The following UAP1L1 variants were observed in gnomAD, a reference collection of about 807,000 sequenced individuals.
The protein encoded by UAP1L1 is UDP-N-acetylhexosamine pyrophosphorylase-like protein 1.
In UAP1L1, 45 loss-of-function variants were observed where a neutral mutation model predicts 45.3. The ratio of observed to expected loss-of-function variants is 0.99; its 90% CI spans 0.78 to 1.27. The LOEUF is 1.27. Ranked by LOEUF, UAP1L1 falls within the 50% of genes most tolerant of loss-of-function variation. The probability of loss-of-function intolerance (pLI) is 0.00; values close to 1 mark genes in which losing one functional copy is unlikely to be tolerated. For synonymous variants in UAP1L1, 323 were observed against 303.9 expected (o/e 1.06, Z -0.65); for missense variants, 667 against 694.0 (o/e 0.96, Z 0.44).
In UAP1L1 at chr9:137,078,060, G is replaced by A; in HGVS notation, c.300G>A (p.Gln100=). The A allele has an allele frequency of 6.5e-7, 1 of 1,549,472 alleles. No homozygotes were observed. Among genetic ancestry groups the A allele is most frequent in the Non-Finnish European group, 8.7e-7 (1 of 1,146,888 alleles). The change falls in exon 2 of 9, where the codon CAG becomes CAA. Residue 100 remains glutamine, a synonymous_variant. Coordinates refer to ENST00000409858, the MANE Select transcript of UAP1L1 (RefSeq NM_207309.3). ...CGCCCGTACCCCCAGGTTTCCGTCA[G>A]ATTTCTCTGAACAAGGTGGCCGTCC... ...RRRWEEEGFR[Q]ISLNKVAVLL...
At chr9:137,081,334 T>C (rs1216472893) in intron 7 of UAP1L1, among the ~76,000 whole-genome samples, 1 of 151,754 alleles carries the variant, frequency 6.6e-6, no homozygotes, top group Non-Finnish European at 1.5e-5. Flanking sequence ...CCTGAGTAGC[T>C]GGGACTACAG....
chr9:137,080,151 T>A lies in UAP1L1; in HGVS notation c.1178+9T>A, dbSNP rs1832768738. 2.5e-6 allele frequency: 4 copies of A among 1,613,644 alleles called. No homozygotes were observed. Among genetic ancestry groups the A allele is most frequent in the Non-Finnish European group, 3.4e-6 (4 of 1,179,640 alleles). Reference sequence around the variant, plus strand: ...GTGTTCCGGTTTGCTAAGTTAGTAGTAGAACTCATTTATTTTCCCCTTCTT... The same window carrying A: ...GTGTTCCGGTTTGCTAAGTTAGTAGAAGAACTCATTTATTTTCCCCTTCTT... On this transcript the variant is annotated intron_variant, in intron 6 of 8. Coordinates refer to ENST00000409858, the MANE Select transcript of UAP1L1 (RefSeq NM_207309.3).
intron 5 of UAP1L1, 173 bp downstream of exon 5, chr9:137,079,622 GGCAGAGGT>G: frequency 1.6e-6 from 1 of 641,262 alleles, no homozygotes. Context: ...AGCTTGCAAA[GGCAGAGGT>G]GCTGGAGATC....
chr9:137,080,295 C>T (rs1832770523), intron 6 of UAP1L1, 153 bp downstream of exon 6: 1 of 1,003,160 alleles, frequency 1.0e-6, no homozygotes, highest in Admixed American at 2.3e-5. Flanking sequence ...GCTCTTGGCC[C>T]TGAGGGTAAG....
Position 137,083,913 on chromosome 9 carries a change from A to T in UAP1L1, c.*1184A>T, listed in dbSNP as rs1245039981. On this transcript the variant is annotated 3_prime_UTR_variant, in exon 9 of 9. Coordinates refer to ENST00000409858, the MANE Select transcript of UAP1L1 (RefSeq NM_207309.3). The stretch of plus-strand genomic sequence containing the variant: ...TTCCCAGGGGAGGGGTGTTGTCTGG[A>T]AGGGCAGGTTCAGATGCAGCCTTCC... 6.6e-6 allele frequency: 1 copy of T among 152,276 alleles called. No individual in the cohort carries two copies. Among genetic ancestry groups the T allele is most frequent in the Non-Finnish European group, 1.5e-5 (1 of 68,080 alleles). 9.4% of individuals were successfully genotyped at this position (152,276 alleles called of 1,614,324 possible).
chr9:137,078,474 C>A, intron 2 of UAP1L1, 28 bp from the exon 3 acceptor site: 3 of 1,612,670 alleles, frequency 1.9e-6, no homozygotes, highest in East Asian at 2.2e-5. Flanking sequence ...GGCGTACTCG[C>A]GGCCGGCTCA....
chr9:137,077,633 T>TGCTGGCGGA lies in UAP1L1; in HGVS notation c.109_117dup (p.Glu37_Ala39dup). On this transcript the variant is annotated inframe_insertion, in exon 1 of 9. Transcript: ENST00000409858. This position sits in a 1 kb window ranked among gnomAD's most constrained non-coding sequence, Gnocchi z 4.7. ...CTGGCGCCGGAGCCACGAGCCGCGC[T>TGCTGGCGGA]GCTGGCGGAGCTGGCGCTGCTGGAG... 4.5e-6 allele frequency: 6 copies of TGCTGGCGGA among 1,327,290 alleles called. No homozygotes were observed. The highest frequency in any genetic ancestry group is 4.9e-6 in the Non-Finnish European group (5 of 1,026,236). The allele number at this position is 1,327,290 out of a possible 1,614,324, so 82.2% of individuals were successfully genotyped here.
In UAP1L1 at chr9:137,077,721, G is replaced by A. The variant is rs1258856760; in HGVS notation, c.189G>A (p.Pro63=). The A allele has an allele frequency of 3.4e-6, 4 of 1,164,256 alleles. No individual in the cohort carries two copies. The African/African-American group carries it at 4.9e-5, about 14-fold the overall frequency. 72.1% of individuals were successfully genotyped at this position (1,164,256 alleles called of 1,614,324 possible). ...AGGCCTGCGCGCGCCCCCACGGCCCGCCGCCCGACTTGGCCGCGCGCCTGC... is the reference window on the plus strand; with the variant it reads ...AGGCCTGCGCGCGCCCCCACGGCCCACCGCCCGACTTGGCCGCGCGCCTGC... ...AAEACARPHG[P]PPDLAARLRP... is the part of the protein sequence containing the mutation. The change falls in exon 1 of 9, where the codon CCG becomes CCA. Residue 63 remains proline, a synonymous_variant. Coordinates refer to ENST00000409858, the MANE Select transcript of UAP1L1 (RefSeq NM_207309.3). The surrounding 1 kb of genome is among the most constrained non-coding windows in gnomAD (Gnocchi z 4.7).
In UAP1L1 at chr9:137,077,800, C is replaced by A. The variant is rs1036321222; in HGVS notation, c.268C>A (p.Arg90=). 5.1e-5 allele frequency: 70 copies of A among 1,385,302 alleles called. No homozygotes were observed. In the African/African-American group the frequency reaches 9.2e-4, roughly 18 times the overall value. The allele number at this position is 1,385,302 out of a possible 1,614,324, so 85.8% of individuals were successfully genotyped here. A position where few individuals can be genotyped will look rare whatever the true frequency, so the allele number is the denominator to read the frequency against. Residue 90 remains arginine, a synonymous_variant, in exon 1 of 9, where the codon CGG becomes AGG. Coordinates refer to ENST00000409858, the MANE Select transcript of UAP1L1 (RefSeq NM_207309.3). This position sits in a 1 kb window ranked among gnomAD's most constrained non-coding sequence, Gnocchi z 4.7. ...GRASRSDPET[R]RRWEEEGFRQ... is the part of the protein sequence containing the mutation. ...GGCCAGCCGCAGCGACCCCGAGACA[C>A]GGCGGCGCTGGGAGGAGGAAGGTAA...
chr9:137,081,008 C>A, intron 7 of UAP1L1, 134 bp downstream of exon 7: 2 of 931,116 alleles, frequency 2.1e-6, no homozygotes, highest in Non-Finnish European at 3.1e-6. Context: ...ACCGCAGGTG[C>A]AGGTAGCCTT....
Position 137,079,136 on chromosome 9 carries a change from C to T in UAP1L1, c.831C>T (p.Asp277=), listed in dbSNP as rs1227873372. 18 of 1,610,570 alleles carry T rather than the reference C, an allele frequency of 1.1e-5. No homozygotes were observed. The highest frequency in any genetic ancestry group is 1.7e-4 in the Middle Eastern group (1 of 6,036). ...FIGFCVLQGA[D]CGAKVVEKAY... is the part of the protein sequence containing the mutation. ...GCTTCTGTGTGTTGCAGGGCGCAGA[C>T]TGTGGCGCCAAGGTTAGCGCCCGAC... The change falls in exon 4 of 9, where the codon GAC becomes GAT. Residue 277 remains aspartate (D), a synonymous_variant. Coordinates refer to ENST00000409858, the MANE Select transcript of UAP1L1 (RefSeq NM_207309.3).
chr9:137,081,853 G>T, intron 7 of UAP1L1, 145 bp from the exon 8 acceptor site: 3 of 799,630 alleles, frequency 3.8e-6, no homozygotes, highest in Non-Finnish European at 4.3e-6. Flanking sequence ...AGGGTTTGGG[G>T]TGTCCAGAGG....
At chr9:137,078,315 C>T (rs1296231957) in intron 2 of UAP1L1, 61 bp downstream of exon 2, 21 of 1,514,090 alleles carry the variant, frequency 1.4e-5, no homozygotes, top group African/African-American at 2.7e-5. Context: ...CCCCACATCC[C>T]CGCTCCAGAC....
chr9:137,079,008 G>A lies in UAP1L1; in HGVS notation c.703G>A (p.Asp235Asn), dbSNP rs756687798. The A allele has an allele frequency of 1.2e-6, 2 of 1,600,640 alleles. No individual in the cohort carries two copies. Among genetic ancestry groups the A allele is most frequent in the Non-Finnish European group, 1.7e-6 (2 of 1,176,552 alleles). The change falls in exon 4 of 9, where the codon GAC (aspartate) becomes AAC (asparagine). Residue 235 changes from aspartate (D) to asparagine (N), a missense_variant. Physicochemically the swap from Asp to Asn is conservative, Grantham distance 23. Coordinates refer to ENST00000409858, the MANE Select transcript of UAP1L1 (RefSeq NM_207309.3). ...CGGGGGCCTCTACTGCGCGCTGGAGGACCACAAGATCCTGGAGGACATGGA... is the reference window on the plus strand; with the variant it reads ...CGGGGGCCTCTACTGCGCGCTGGAGAACCACAAGATCCTGGAGGACATGGA... ...GNGGLYCALE[D>N]HKILEDMERR...
Position 137,082,406 on chromosome 9 carries a change from G to C in UAP1L1, c.1432-231G>C. On this transcript the variant is annotated intron_variant, in intron 8 of 8. Transcript: ENST00000409858. The surrounding 1 kb of genome is among the most constrained non-coding windows in gnomAD (Gnocchi z 5.7). ...CTTGCCCCTTTCTCTGGTCAGGTCA[G>C]ACCTGTGCGTGACAGGAGGGTCCCC... 1.7e-6 allele frequency: 1 copy of C among 595,814 alleles called. No individual in the cohort carries two copies. The highest frequency in any genetic ancestry group is 3.0e-6 in the Non-Finnish European group (1 of 334,374). The allele number at this position is 595,814 out of a possible 1,614,324, so 36.9% of individuals were successfully genotyped here.
Position 137,082,017 on chromosome 9 carries a change from C to T in UAP1L1, c.1384C>T (p.Pro462Ser), listed in dbSNP as rs761522959. 8 of 1,613,890 alleles carry T rather than the reference C, an allele frequency of 5.0e-6. No individual in the cohort carries two copies. The East Asian group carries it at 1.1e-4, about 22-fold the overall frequency. The change falls in exon 8 of 9, where the codon CCT becomes TCT. Residue 462 changes from proline to serine, a missense_variant. Pro to Ser is a moderately conservative substitution (Grantham distance 74). Coordinates refer to ENST00000409858, the MANE Select transcript of UAP1L1 (RefSeq NM_207309.3). The surrounding 1 kb of genome is among the most constrained non-coding windows in gnomAD (Gnocchi z 5.7). ...ELPSLPPNGDPPAICEISPLV... is the reference protein window; with the variant it reads ...ELPSLPPNGDSPAICEISPLV... ...CCCTAGCTTGCCCCCAAATGGAGAC[C>T]CTCCGGCCATCTGTGAGATATCGCC...
intron 5 of UAP1L1, 72 bp downstream of exon 5, chr9:137,079,521 A>G: frequency 8.5e-6 from 12 of 1,417,144 alleles, no homozygotes; most frequent in Non-Finnish European, 1.1e-5. Context: ...GCGGGGTCCC[A>G]GTGAGCTGAG....
Position 137,082,101 on chromosome 9 carries a change from T to G in UAP1L1, c.1431+37T>G. The G allele has an allele frequency of 6.2e-7, 1 of 1,606,938 alleles. No individual in the cohort carries two copies. Among genetic ancestry groups the G allele is most frequent in the South Asian group, 1.1e-5 (1 of 90,934 alleles). On this transcript the variant is annotated intron_variant, in intron 8 of 8. Transcript: ENST00000409858. This position sits in a 1 kb window ranked among gnomAD's most constrained non-coding sequence, Gnocchi z 5.7. ...CCATCCCTATCTGGGGCTTTTCTGG[T>G]GTCAGGTTTGGAATACCATCTGGGG...
Position 137,080,084 on chromosome 9 carries a change from C to G in UAP1L1, c.1120C>G (p.Leu374Val). The change falls in exon 6 of 9, where the codon CTA (leucine) becomes GTA (valine). Residue 374 changes from leucine to valine, a missense_variant. Coordinates refer to ENST00000409858, the MANE Select transcript of UAP1L1 (RefSeq NM_207309.3). Reference sequence around the variant, plus strand: ...TGAGGAGGGGAATCTGGTAAAGCCGCTAAAACCGAACGGGATAAAGATGGA... The same window carrying G: ...TGAGGAGGGGAATCTGGTAAAGCCGGTAAAACCGAACGGGATAAAGATGGA... ...VDEEGNLVKPLKPNGIKMEKF... is the reference protein window; with the variant it reads ...VDEEGNLVKPVKPNGIKMEKF... 3 of 1,614,226 alleles carry G rather than the reference C, an allele frequency of 1.9e-6. No homozygotes were observed. Among genetic ancestry groups the G allele is most frequent in the Non-Finnish European group, 2.5e-6 (3 of 1,180,022 alleles).
Sources: gnomAD v4.1 joint callset for allele counts (sites outside exome capture counted in the v4.1 genomes callset) on GRCh38, gnomAD v4.1.1 for gene constraint, Gnocchi (gnomAD v3.1) non-coding constraint, MANE v1.5 for transcripts, NCBI Gene and HGNC (gene_info 2026-07-23, HGNC 2026-07-21) for gene names.